Variants in ZNF12 observed in about 807,000 individuals in gnomAD.
ZNF12 encodes the protein gonadotropin inducible transcription repressor 3.
In ZNF12, 34 loss-of-function variants were observed where a neutral mutation model predicts 66.6. The ratio of observed to expected loss-of-function variants is 0.51; its 90% CI spans 0.39 to 0.68. The LOEUF (loss-of-function observed/expected upper bound fraction) is 0.68, where lower values mean the gene tolerates loss of function less well. Among genes scored for constraint, ZNF12 ranks in the 30% least tolerant of loss-of-function variants. The probability of loss-of-function intolerance (pLI) is 0.00; values close to 1 mark genes in which losing one functional copy is unlikely to be tolerated. For synonymous variants in ZNF12, 320 were observed against 278.9 expected (o/e 1.15, Z -1.47); for missense variants, 697 against 826.9 (o/e 0.84, Z 1.93).
In ZNF12 at chr7:6,691,329, C is replaced by G; in HGVS notation, c.1613G>C (p.Arg538Thr). The stretch of plus-strand genomic sequence containing the variant: ...CTCTCCTTTGTGTATTCTCCGATGT[C>G]TACAAAGGGCTGAGTTCTGGTAGAA... ...KTFYQNSALC[R>T]HRRIHKGEKP... Residue 538 changes from arginine to threonine, a missense_variant, in exon 5 of 5, where the codon AGA (arginine) becomes ACA (threonine). Coordinates refer to ENST00000405858, the MANE Select transcript of ZNF12 (RefSeq NM_016265.4). 7 of 1,613,804 alleles carry G rather than the reference C, an allele frequency of 4.3e-6. No individual in the cohort carries two copies. The highest frequency in any genetic ancestry group is 5.9e-6 in the Non-Finnish European group (7 of 1,179,844).
At chr7:6,694,183 C>G (rs749997730) in intron 4 of ZNF12, among the ~76,000 whole-genome samples, 3 of 150,706 alleles carry the variant, frequency 2.0e-5, no homozygotes, top group Non-Finnish European at 4.4e-5. Flanking sequence ...AAAAACAAAA[C>G]AAACAAAACA....
intron 2 of ZNF12, among the ~76,000 whole-genome samples, chr7:6,704,740 CAAA>C (rs949897713): frequency 1.0e-3 from 33 of 32,240 alleles, no homozygotes; most frequent in South Asian, 2.1e-3. Flanking sequence ...TACTTGGTCT[CAAA>C]AAAAAAAAAA....
At chr7:6,700,424 T>C (rs959758546) in intron 2 of ZNF12, among the ~76,000 whole-genome samples, 1 of 152,152 alleles carries the variant, frequency 6.6e-6, no homozygotes, top group Non-Finnish European at 1.5e-5. Context: ...TTCTGTCCTA[T>C]AGATCGTATA....
At chr7:6,702,890 T>C (rs7778526) in intron 2 of ZNF12, among the ~76,000 whole-genome samples, 111 of 112 alleles carry the variant, frequency 0.99, 55 homozygotes, top group Non-Finnish European at 1. Flanking sequence ...TCTCAAACTC[T>C]ACACACACAC....
chr7:6,692,483 A>G lies in ZNF12; in HGVS notation c.459T>C (p.Tyr153=). 1 of 1,613,338 alleles carries G rather than the reference A, an allele frequency of 6.2e-7. No homozygotes were observed. The highest frequency in any genetic ancestry group is 1.7e-5 in the Admixed American group (1 of 59,936). Residue 153 remains tyrosine (Y), a synonymous_variant, in exon 5 of 5, where the codon TAT becomes TAC. Coordinates refer to ENST00000405858, the MANE Select transcript of ZNF12 (RefSeq NM_016265.4). The surrounding 1 kb of genome is among the most constrained non-coding windows in gnomAD (Gnocchi z 5.1). ...TTGCATAGCTTCCATCACTACTAAT[A>G]TATTCTGAAACAGACGTTAAACACT... ...CEKCLTSVSE[Y]ISSDGSYARM...
rs190745885 is a variant in ZNF12 at position 6,696,465 on chromosome 7, C to T, written c.238+874G>A. Among the ~76,000 whole-genome samples, 75 of 152,184 alleles carry T rather than the reference C, an allele frequency of 4.9e-4. No homozygotes were observed. Among genetic ancestry groups the T allele is most frequent in the Non-Finnish European group, 9.9e-4 (67 of 68,006 alleles). ...ATCACAGAAAATACCAGACTAGAGC[C>T]CAGGCTCAATGGTGGTAGAGATGTC... On this transcript the variant is annotated intron_variant, in intron 4 of 4. Coordinates refer to ENST00000405858, the MANE Select transcript of ZNF12 (RefSeq NM_016265.4). This position sits in a 1 kb window ranked among gnomAD's most constrained non-coding sequence, Gnocchi z 4.0.
chr7:6,697,400 C>T lies in ZNF12; in HGVS notation c.177G>A (p.Lys59=). 6.2e-7 allele frequency: 1 copy of T among 1,612,780 alleles called. No individual in the cohort carries two copies. Among genetic ancestry groups the T allele is most frequent in the Non-Finnish European group, 8.5e-7 (1 of 1,179,452 alleles). Reference sequence around the variant, plus strand: ...TCCATGGCTCTTCTCCTTGCTCCAACTTGCTGATAACATCCGGTTTGATAA... The same window carrying T: ...TCCATGGCTCTTCTCCTTGCTCCAATTTGCTGATAACATCCGGTTTGATAA... The part of the protein sequence containing the change: ...YHIIKPDVIS[K]LEQGEEPWIV... Residue 59 remains lysine, a synonymous_variant, in exon 4 of 5, where the codon AAG becomes AAA. Coordinates refer to ENST00000405858, the MANE Select transcript of ZNF12 (RefSeq NM_016265.4). This position sits in a 1 kb window ranked among gnomAD's most constrained non-coding sequence, Gnocchi z 6.1.
chr7:6,689,739 A>G lies in ZNF12; in HGVS notation c.*1109T>C, dbSNP rs930642094. 6.6e-6 allele frequency: 1 copy of G among 152,618 alleles called. No homozygotes were observed. Among genetic ancestry groups the G allele is most frequent in the Non-Finnish European group, 1.5e-5 (1 of 68,040 alleles). The allele number at this position is 152,618 out of a possible 1,614,324, so 9.5% of individuals were successfully genotyped here. A position where few individuals can be genotyped will look rare whatever the true frequency, so the allele number is the denominator to read the frequency against. On this transcript the variant is annotated 3_prime_UTR_variant, in exon 5 of 5. Transcript: ENST00000405858. ...AGAAAGTCACTCGGCAATGTCTGCC[A>G]CAGACCCTTGTTAGAATGTGTTCTT...
chr7:6,704,740 C>CAA (rs949897713), intron 2 of ZNF12, among the ~76,000 whole-genome samples: 1,228 of 32,142 alleles, frequency 0.038, 170 homozygotes, highest in East Asian at 0.071. Flanking sequence ...TACTTGGTCT[C>CAA]AAAAAAAAAA....
chr7:6,699,822 T>A (rs1402187876), intron 2 of ZNF12, among the ~76,000 whole-genome samples: 1 of 152,010 alleles, frequency 6.6e-6, no homozygotes, highest in African/African-American at 2.4e-5. Flanking sequence ...GTGAAGAAAG[T>A]CATCAGCTCA....
chr7:6,695,140 C>T (rs1307563539), intron 4 of ZNF12, among the ~76,000 whole-genome samples: 1 of 152,226 alleles, frequency 6.6e-6, no homozygotes, highest in African/African-American at 2.4e-5. Flanking sequence ...TGGTCTCAAA[C>T]TCCTGACCTC....
chr7:6,705,717 C>CAAAAAAAA lies in ZNF12; in HGVS notation c.-50-495_-50-494insTTTTTTTT, dbSNP rs71978935. On this transcript the variant is annotated intron_variant, in intron 1 of 4. Transcript: ENST00000405858. The surrounding 1 kb of genome is among the most constrained non-coding windows in gnomAD (Gnocchi z 4.0). Reference sequence around the variant, plus strand: ...CTGGGCAACAAAGCGAAACTTGTCTCAAAAACAAACAAACAAACAAACAAA... The same window carrying CAAAAAAAA: ...CTGGGCAACAAAGCGAAACTTGTCTCAAAAAAAAAAAAACAAACAAACAAACAAACAAA... Among the ~76,000 whole-genome samples the CAAAAAAAA allele has an allele frequency of 6.7e-6, 1 of 148,610 alleles. No homozygotes were observed.
At position 6,692,892 on chromosome 7, in the gene ZNF12, C is replaced by CAA. The variant is rs1018417462; in HGVS notation, c.239-190_239-189insTT. Among the ~76,000 whole-genome samples, 1 of 152,042 alleles carries CAA rather than the reference C, an allele frequency of 6.6e-6. No homozygotes were observed. The highest frequency in any genetic ancestry group is 1.5e-5 in the Non-Finnish European group (1 of 68,008). On this transcript the variant is annotated intron_variant, in intron 4 of 4. Transcript: ENST00000405858. This position sits in a 1 kb window ranked among gnomAD's most constrained non-coding sequence, Gnocchi z 5.1. Reference sequence around the variant, plus strand: ...TTAAAATTACACACACACAAACACACACACACACACACATCCCCCTCTAGG... The same window carrying CAA: ...TTAAAATTACACACACACAAACACACAAACACACACACACATCCCCCTCTAGG...
chr7:6,691,671 A>G lies in ZNF12; in HGVS notation c.1271T>C (p.Leu424Pro), dbSNP rs1410315771. The G allele has an allele frequency of 1.2e-6, 2 of 1,613,486 alleles. No homozygotes were observed. The highest frequency in any genetic ancestry group is 1.7e-6 in the Non-Finnish European group (2 of 1,179,768). The change falls in exon 5 of 5, where the codon CTC (leucine) becomes CCC (proline). Residue 424 changes from leucine to proline, a missense_variant. Transcript: ENST00000405858. ...TGTGTGGGTCCTCAGGTGGGTCGTG[A>G]GAGTAGACTTGCGGCAGAAGCATTT... ...CGKCFCRKST[L>P]TTHLRTHTGE...
intron 2 of ZNF12, among the ~76,000 whole-genome samples, chr7:6,700,304 T>TATACACACAC (rs1554294764): frequency 1.9e-4 from 24 of 129,034 alleles, no homozygotes; most frequent in African/African-American, 6.2e-4. Flanking sequence ...AAAAAAAATA[T>TATACACACAC]ACACACACAC....
Position 6,691,324 on chromosome 7 carries a change from G to C in ZNF12, c.1618C>G (p.Arg540Gly). 6.2e-7 allele frequency: 1 copy of C among 1,613,946 alleles called. No homozygotes were observed. Among genetic ancestry groups the C allele is most frequent in the South Asian group, 1.1e-5 (1 of 91,072 alleles). ...FYQNSALCRHRRIHKGEKPYE... is the reference protein window; with the variant it reads ...FYQNSALCRHGRIHKGEKPYE... ...GGCTTCTCTCCTTTGTGTATTCTCC[G>C]ATGTCTACAAAGGGCTGAGTTCTGG... The change falls in exon 5 of 5, where the codon CGG becomes GGG. Residue 540 changes from arginine (R) to glycine (G), a missense_variant. By Grantham distance (125) the Arg-to-Gly change is moderately radical (BLOSUM62 -2). Coordinates refer to ENST00000405858, the MANE Select transcript of ZNF12 (RefSeq NM_016265.4).
rs1218024727 is a variant in ZNF12 at position 6,689,513 on chromosome 7, G to A, written c.*1335C>T. ...GAGTGTCACTGGTTAAAACTAATCA[G>A]GATTTATCTCACTTCCTTTTGAGGA... On this transcript the variant is annotated 3_prime_UTR_variant, in exon 5 of 5. Transcript: ENST00000405858. 6.6e-6 allele frequency: 1 copy of A among 152,362 alleles called. No homozygotes were observed. Among genetic ancestry groups the A allele is most frequent in the Non-Finnish European group, 1.5e-5 (1 of 68,050 alleles). The allele number at this position is 152,362 out of a possible 1,614,324, so 9.4% of individuals were successfully genotyped here.
At position 6,697,676 on chromosome 7, in the gene ZNF12, T is replaced by G; in HGVS notation, c.142+9A>C. 6.2e-7 allele frequency: 1 copy of G among 1,613,704 alleles called. No individual in the cohort carries two copies. The highest frequency in any genetic ancestry group is 1.1e-5 in the South Asian group (1 of 90,922). On this transcript the variant is annotated intron_variant, in intron 3 of 4. Transcript: ENST00000405858. The surrounding 1 kb of genome is among the most constrained non-coding windows in gnomAD (Gnocchi z 6.1). ...TATTTTAGCAACTGAGAAAGCAAGC[T>G]ATCCTCACCCACAGAAACTAGATTG...
intron 2 of ZNF12, among the ~76,000 whole-genome samples, chr7:6,703,111 G>C (rs535414510): frequency 3.3e-5 from 5 of 151,688 alleles, no homozygotes; most frequent in Non-Finnish European, 7.4e-5. Context: ...TACCAACACA[G>C]CCCAAATTTT....
Sources: allele counts gnomAD v4.1 joint callset (sites outside exome capture counted in the v4.1 genomes callset), GRCh38; gene constraint gnomAD v4.1.1; non-coding constraint Gnocchi (gnomAD v3.1); transcripts MANE v1.5; gene names NCBI Gene and HGNC (gene_info 2026-07-23, HGNC 2026-07-21).